The following OR8D4 variants were observed in gnomAD, a reference collection of about 807,000 sequenced individuals.
OR8D4 encodes olfactory receptor family 8 subfamily D member 4, also known as olfactory receptor 8D4.
For synonymous variants in OR8D4, 141 were observed against 134.8 expected (o/e 1.05, Z -0.32); for missense variants, 359 against 372.6 (o/e 0.96, Z 0.30).
intron 1 of OR8D4, among the ~76,000 whole-genome samples, chr11:123,904,892 G>C (rs1863188086): frequency 6.6e-6 from 1 of 152,154 alleles, no homozygotes; most frequent in Admixed American, 6.6e-5. Context: ...TGCAACCCTA[G>C]ACAATTGAGC....
In OR8D4 at chr11:123,909,128, G is replaced by C. The variant is rs1189494681; in HGVS notation, c.*1752G>C. The stretch of plus-strand genomic sequence containing the variant: ...ATTGGCCAGAGTGGAAGCAGAGAGG[G>C]TACTTTTGATGCTGTTAAACTTATT... On this transcript the variant is annotated 3_prime_UTR_variant, in exon 2 of 2. Coordinates refer to ENST00000641687, the MANE Select transcript of OR8D4 (RefSeq NM_001005197.2). 1 of 152,060 alleles carries C rather than the reference G, an allele frequency of 6.6e-6. No homozygotes were observed. Among genetic ancestry groups the C allele is most frequent in the African/African-American group, 2.4e-5 (1 of 41,414 alleles). The allele number at this position is 152,060 out of a possible 1,614,324, so 9.4% of individuals were successfully genotyped here.
chr11:123,906,897 G>T lies in OR8D4; in HGVS notation c.466G>T (p.Ala156Ser), dbSNP rs1276542355. Residue 156 changes from alanine (A) to serine (S), a missense_variant, in exon 2 of 2, where the codon GCT becomes TCT. Ala to Ser is a moderately conservative substitution (Grantham distance 99). Coordinates refer to ENST00000641687, the MANE Select transcript of OR8D4 (RefSeq NM_001005197.2). ...AAVFSVGFTD[A>S]VIHGGCILRL... ...TGTCTTCTCAGTAGGTTTCACTGAT[G>T]CTGTGATCCATGGAGGTTGTATACT... The T allele has an allele frequency of 6.2e-7, 1 of 1,613,802 alleles. No individual in the cohort carries two copies. The highest frequency in any genetic ancestry group is 1.3e-5 in the African/African-American group (1 of 74,920).
Position 123,907,469 on chromosome 11 carries a change from A to G in OR8D4, c.*93A>G. On this transcript the variant is annotated 3_prime_UTR_variant, in exon 2 of 2. Transcript: ENST00000641687. ...ACTATTTAAAAGTAATTTGAGGTCC[A>G]GGTACGGTGACTTACGCCTGTAATC... is the stretch of plus-strand genomic sequence containing the variant. 1 of 608,930 alleles carries G rather than the reference A, an allele frequency of 1.6e-6. No homozygotes were observed. The highest frequency in any genetic ancestry group is 2.8e-6 in the Non-Finnish European group (1 of 358,710). 37.7% of individuals were successfully genotyped at this position (608,930 alleles called of 1,614,324 possible). A position where few individuals can be genotyped will look rare whatever the true frequency, so the allele number is the denominator to read the frequency against.
At position 123,906,989 on chromosome 11, in the gene OR8D4, ACT is replaced by A. The variant is rs764658688; in HGVS notation, c.562_563del (p.Ser188LeufsTer7). On this transcript the variant is annotated frameshift_variant, in exon 2 of 2. Transcript: ENST00000641687. LOFTEE classifies it low-confidence loss of function (END_TRUNC). ...YFCDIVPLIK[L>X]SCSSTYIDEL... is the part of the protein sequence containing the mutation. Reference sequence around the variant, plus strand: ...TCTGTGACATTGTCCCTCTTATTAAACTCTCCTGCTCCAGCACTTATATTGAT... The same window carrying A: ...TCTGTGACATTGTCCCTCTTATTAAACTCCTGCTCCAGCACTTATATTGAT... 2 of 1,612,594 alleles carry A rather than the reference ACT, an allele frequency of 1.2e-6. No individual in the cohort carries two copies. Among genetic ancestry groups the A allele is most frequent in the Non-Finnish European group, 1.7e-6 (2 of 1,179,488 alleles).
intron 1 of OR8D4, among the ~76,000 whole-genome samples, chr11:123,902,806 C>G (rs867774344): frequency 6.6e-6 from 1 of 150,970 alleles, no homozygotes; most frequent in South Asian, 2.1e-4. Context: ...TTCTGTTGTC[C>G]AGTAATATAG....
intron 1 of OR8D4, among the ~76,000 whole-genome samples, chr11:123,903,136 A>G (rs1440347590): frequency 2.0e-5 from 3 of 152,018 alleles, no homozygotes; most frequent in African/African-American, 4.8e-5. Flanking sequence ...TTTACTTAGC[A>G]TTTACATTAT....
In OR8D4 at chr11:123,907,370, A is replaced by G. The variant is rs111834679; in HGVS notation, c.939A>G (p.Pro313=). The G allele has an allele frequency of 1.7e-4, 200 of 1,174,432 alleles. No individual in the cohort carries two copies. In the African/African-American group the frequency reaches 2.7e-3, roughly 16 times the overall value. 72.8% of individuals were successfully genotyped at this position (1,174,432 alleles called of 1,614,324 possible). Residue 313 remains proline (P), a synonymous_variant, in exon 2 of 2, where the codon CCA becomes CCG. Transcript: ENST00000641687. ...KLLRRKISLS[P]G ...TAAGAAGAAAAATATCTTTATCTCC[A>G]GGATAAATATGCTCTTTATTAAGAT...
At chr11:123,904,482 G>C (rs1225208232) in intron 1 of OR8D4, among the ~76,000 whole-genome samples, 2 of 152,142 alleles carry the variant, frequency 1.3e-5, no homozygotes, top group African/African-American at 2.4e-5. Flanking sequence ...ACATTACTTC[G>C]ATAAGCCTCT....
At chr11:123,902,556 C>T (rs1268549232) in intron 1 of OR8D4, among the ~76,000 whole-genome samples, 2 of 152,102 alleles carry the variant, frequency 1.3e-5, no homozygotes, top group Non-Finnish European at 2.9e-5. Flanking sequence ...CAGTTATTGT[C>T]TCATTTGATT....
At chr11:123,905,196 T>C (rs895827897) in intron 1 of OR8D4, among the ~76,000 whole-genome samples, 1 of 152,234 alleles carries the variant, frequency 6.6e-6, no homozygotes, top group Non-Finnish European at 1.5e-5. Context: ...AGTCTGCCAT[T>C]CTACTATCAT....
rs1384706273 is a variant in OR8D4 at position 123,906,870 on chromosome 11, G to C, written c.439G>C (p.Ala147Pro). ...TAGGGTCTGTTCTCTGCTGGTGGCTGCTGTCTTCTCAGTAGGTTTCACTGA... is the reference window on the plus strand; with the variant it reads ...TAGGGTCTGTTCTCTGCTGGTGGCTCCTGTCTTCTCAGTAGGTTTCACTGA... ...SPRVCSLLVA[A>P]VFSVGFTDAV... The change falls in exon 2 of 2, where the codon GCT (alanine) becomes CCT (proline). Residue 147 changes from alanine (A) to proline (P), a missense_variant. Ala to Pro is a conservative substitution (Grantham distance 27). Transcript: ENST00000641687. The C allele has an allele frequency of 5.6e-6, 9 of 1,613,888 alleles. No individual in the cohort carries two copies. In the African/African-American group the frequency reaches 1.2e-4, roughly 22 times the overall value.
chr11:123,907,147 G>A lies in OR8D4; in HGVS notation c.716G>A (p.Ser239Asn), dbSNP rs79430449. ...AAAAAGGGCAGGTGCAAAGCGTTTA[G>A]CACCTGTAGCTCCCACCTGACAGCT... The part of the protein sequence containing the change: ...HSKKGRCKAF[S>N]TCSSHLTAVL... The change falls in exon 2 of 2, where the codon AGC becomes AAC. Residue 239 changes from serine to asparagine, a missense_variant. Ser to Asn is a conservative substitution (Grantham distance 46). Transcript: ENST00000641687. The A allele has an allele frequency of 3.1e-3, 5,063 of 1,613,792 alleles. 125 individuals are homozygous for A. The African/African-American group carries it at 0.056, about 18-fold the overall frequency.
At chr11:123,903,914 C>T (rs1220639922) in intron 1 of OR8D4, among the ~76,000 whole-genome samples, 1 of 152,106 alleles carries the variant, frequency 6.6e-6, no homozygotes, top group Admixed American at 6.6e-5. Context: ...CAAAGATGGG[C>T]TTTACATAAT....
intron 1 of OR8D4, among the ~76,000 whole-genome samples, chr11:123,903,657 C>T (rs11828180): frequency 0.2 from 30,221 of 152,022 alleles, 3,117 homozygotes; most frequent in African/African-American, 0.25. Context: ...TACTGTTTAT[C>T]GGTTGGTTAA....
chr11:123,906,601 C>T lies in OR8D4; in HGVS notation c.170C>T (p.Thr57Ile), dbSNP rs368196141. ...ATTAGGCTGAATCGTCAACTTCATA[C>T]CCCCATGTACTATTTCCTGAGTAGT... The part of the protein sequence containing the change: ...SIIRLNRQLH[T>I]PMYYFLSSLS... Residue 57 changes from threonine (T) to isoleucine (I), a missense_variant, in exon 2 of 2, where the codon ACC becomes ATC. Thr to Ile is a moderately conservative substitution (Grantham distance 89, BLOSUM62 -1). Transcript: ENST00000641687. 1 of 1,613,868 alleles carries T rather than the reference C, an allele frequency of 6.2e-7. No homozygotes were observed. The highest frequency in any genetic ancestry group is 8.5e-7 in the Non-Finnish European group (1 of 1,179,756).
At chr11:123,904,551 C>T (rs907665454) in intron 1 of OR8D4, among the ~76,000 whole-genome samples, 2 of 152,116 alleles carry the variant, frequency 1.3e-5, no homozygotes, top group African/African-American at 4.8e-5. Flanking sequence ...AGGAAGACTC[C>T]GGGTATTTCT....
At chr11:123,902,923 T>A (rs1863172297) in intron 1 of OR8D4, among the ~76,000 whole-genome samples, 1 of 152,130 alleles carries the variant, frequency 6.6e-6, no homozygotes, top group Non-Finnish European at 1.5e-5. Flanking sequence ...ATCTCATTAT[T>A]TTTAAAATAT....
In OR8D4 at chr11:123,906,849, G is replaced by T. The variant is rs1319659143; in HGVS notation, c.418G>T (p.Val140Phe). 1 of 1,613,950 alleles carries T rather than the reference G, an allele frequency of 6.2e-7. No individual in the cohort carries two copies. Among genetic ancestry groups the T allele is most frequent in the Non-Finnish European group, 8.5e-7 (1 of 1,179,940 alleles). The stretch of plus-strand genomic sequence containing the variant: ...CTACAGGGTCATCATGTCCCCTAGG[G>T]TCTGTTCTCTGCTGGTGGCTGCTGT... ...LLYRVIMSPRVCSLLVAAVFS... is the reference protein window; with the variant it reads ...LLYRVIMSPRFCSLLVAAVFS... The change falls in exon 2 of 2, where the codon GTC becomes TTC. Residue 140 changes from valine to phenylalanine, a missense_variant. Coordinates refer to ENST00000641687, the MANE Select transcript of OR8D4 (RefSeq NM_001005197.2).
intron 1 of OR8D4, among the ~76,000 whole-genome samples, chr11:123,905,667 T>C (rs551698454): frequency 1.4e-5 from 2 of 144,310 alleles, no homozygotes; most frequent in Non-Finnish European, 3.1e-5. Context: ...AAAAGTATTC[T>C]CATAGTCCTC....
Sources: gnomAD v4.1 joint callset for allele counts (sites outside exome capture counted in the v4.1 genomes callset) on GRCh38, gnomAD v4.1.1 for gene constraint, MANE v1.5 for transcripts, NCBI Gene and HGNC (gene_info 2026-07-23, HGNC 2026-07-21) for gene names.